The following DLG2 variants were observed in gnomAD, a reference collection of about 807,000 sequenced individuals.
The protein encoded by DLG2 is disks large homolog 2.
In DLG2, 45 loss-of-function variants were observed where a neutral mutation model predicts 132.5. The ratio of observed to expected loss-of-function variants is 0.34; its 90% CI spans 0.27 to 0.44. DLG2 has a LOEUF of 0.44. Among genes scored for constraint, DLG2 ranks in the 20% least tolerant of loss-of-function variants. DLG2 has a pLI of 1.00. For missense variants in DLG2, 1,045 were observed against 1,196.9 expected, an observed-to-expected ratio of 0.87 and a Z score of 1.87; for synonymous variants, 424 against 419.6, an observed-to-expected ratio of 1.01 and a Z score of -0.13.
At chr11:84,399,702 C>A (rs1438605419) in intron 7 of DLG2, among the ~76,000 whole-genome samples, 1 of 152,186 alleles carries the variant, frequency 6.6e-6, no homozygotes, top group East Asian at 1.9e-4. Flanking sequence ...CAGGTGTGAG[C>A]CACTGTGCCT....
chr11:83,630,199 T>C (rs2063325852), intron 19 of DLG2, among the ~76,000 whole-genome samples: 1 of 152,130 alleles, frequency 6.6e-6, no homozygotes. Flanking sequence ...CTTCAAAATT[T>C]CAGGTAAACA....
intron 6 of DLG2, among the ~76,000 whole-genome samples, chr11:84,883,014 GT>G (rs1272097577): frequency 2.0e-5 from 3 of 152,102 alleles, no homozygotes; most frequent in African/African-American, 7.2e-5. Flanking sequence ...GCACACGTAT[GT>G]TTACTGCAGC....
intron 7 of DLG2, among the ~76,000 whole-genome samples, chr11:84,499,691 AT>A (rs992383355): frequency 1.3e-5 from 2 of 151,696 alleles, no homozygotes; most frequent in Non-Finnish European, 2.9e-5. Context: ...AGATACTTAC[AT>A]TTTTTTCACT....
intron 7 of DLG2, among the ~76,000 whole-genome samples, chr11:84,259,592 T>C (rs1271993267): frequency 2.6e-5 from 4 of 152,132 alleles, no homozygotes; most frequent in Non-Finnish European, 5.9e-5. Context: ...AGGAAGCAAC[T>C]TTGGAGGAAG....
At chr11:84,824,264 G>A (rs1279416387) in intron 6 of DLG2, among the ~76,000 whole-genome samples, 1 of 151,860 alleles carries the variant, frequency 6.6e-6, no homozygotes, top group Non-Finnish European at 1.5e-5. Flanking sequence ...ATTTAATGAG[G>A]TCCTCATTCT....
intron 8 of DLG2, among the ~76,000 whole-genome samples, chr11:84,229,874 C>T (rs1428362109): frequency 3.3e-5 from 5 of 152,026 alleles, no homozygotes; most frequent in Admixed American, 2.0e-4. Flanking sequence ...TAAAACAGTA[C>T]CCAGTACTGA....
chr11:84,630,353 G>A (rs578137231), intron 6 of DLG2, among the ~76,000 whole-genome samples: 8 of 152,226 alleles, frequency 5.3e-5, no homozygotes, highest in Admixed American at 3.9e-4. Context: ...GTTTGGGGTA[G>A]CTCTTTTTTG....
chr11:84,918,882 G>A (rs930548989), intron 6 of DLG2, among the ~76,000 whole-genome samples: 1 of 152,004 alleles, frequency 6.6e-6, no homozygotes, highest in African/African-American at 2.4e-5. Context: ...TGTGAGATTC[G>A]CTTAATGCAT....
intron 3 of DLG2, among the ~76,000 whole-genome samples, chr11:85,557,607 A>G (rs1021831493): frequency 6.6e-6 from 1 of 151,854 alleles, no homozygotes; most frequent in Non-Finnish European, 1.5e-5. Flanking sequence ...AAGAACAGAC[A>G]CATAGGCCAC....
chr11:84,302,101 G>A (rs796923891), intron 7 of DLG2, among the ~76,000 whole-genome samples: 39 of 152,212 alleles, frequency 2.6e-4, no homozygotes, highest in African/African-American at 9.4e-4. Flanking sequence ...CACAGGAACA[G>A]AAAACCAAAC....
intron 3 of DLG2, among the ~76,000 whole-genome samples, chr11:85,363,355 G>C (rs2084300271): frequency 1.3e-5 from 2 of 152,278 alleles, no homozygotes; most frequent in African/African-American, 2.4e-5. Flanking sequence ...ATAATGAAGG[G>C]GAATGGAAAG....
At chr11:84,255,207 T>C (rs549831107) in intron 7 of DLG2, among the ~76,000 whole-genome samples, 2 of 152,364 alleles carry the variant, frequency 1.3e-5, no homozygotes, top group South Asian at 4.1e-4. Context: ...AGAGAGGCTA[T>C]GACTAGTTTG....
chr11:83,713,969 T>C (rs1030533446), intron 18 of DLG2, among the ~76,000 whole-genome samples: 4 of 152,144 alleles, frequency 2.6e-5, no homozygotes, highest in Non-Finnish European at 5.9e-5. Context: ...ATCAAAAGTG[T>C]GAAGTAAGTG....
intron 18 of DLG2, among the ~76,000 whole-genome samples, chr11:83,707,051 T>G (rs117757328): frequency 0.013 from 1,926 of 152,354 alleles, 13 homozygotes; most frequent in Middle Eastern, 0.02. Context: ...GGTCATACTT[T>G]TATCTCTATT....
intron 7 of DLG2, among the ~76,000 whole-genome samples, chr11:84,503,743 G>A (rs1432590068): frequency 6.6e-6 from 1 of 152,170 alleles, no homozygotes; most frequent in Non-Finnish European, 1.5e-5. Flanking sequence ...ATTTGTCTTA[G>A]AATTTTAATA....
chr11:85,019,641 C>G (rs1222342256), intron 6 of DLG2, among the ~76,000 whole-genome samples: 1 of 151,980 alleles, frequency 6.6e-6, no homozygotes, highest in African/African-American at 2.4e-5. Context: ...CACAACAGGC[C>G]CAGTGTGTGA....
chr11:84,732,245 T>G (rs2063243204), intron 6 of DLG2, among the ~76,000 whole-genome samples: 1 of 152,122 alleles, frequency 6.6e-6, no homozygotes, highest in Non-Finnish European at 1.5e-5. Flanking sequence ...TATCTGTGCA[T>G]AAGTCTCTGC....
At chr11:83,609,734 A>G (rs188668858) in intron 19 of DLG2, among the ~76,000 whole-genome samples, 170 of 152,178 alleles carry the variant, frequency 1.1e-3, no homozygotes, top group Middle Eastern at 3.4e-3. Context: ...ATCCCTTTCT[A>G]TTTCCAAGCA....
chr11:85,394,779 T>C (rs919369103), intron 3 of DLG2, among the ~76,000 whole-genome samples: 5 of 152,210 alleles, frequency 3.3e-5, no homozygotes, highest in African/African-American at 4.8e-5. Context: ...TAATCTGCCA[T>C]GTTGACTTCT....
Sources: gnomAD v4.1 joint callset for allele counts (sites outside exome capture counted in the v4.1 genomes callset) on GRCh38, gnomAD v4.1.1 for gene constraint, MANE v1.5 for transcripts, NCBI Gene and HGNC (gene_info 2026-07-23, HGNC 2026-07-21) for gene names.